AP1S3: variants seen among roughly 807,000 people sequenced by gnomAD.
AP1S3 encodes the protein adaptor related protein complex 1 subunit sigma 3.
In AP1S3, 10 loss-of-function variants were observed where a neutral mutation model predicts 20.9. That is an observed-to-expected ratio of 0.48 (90% CI 0.29 to 0.81). AP1S3 has a LOEUF of 0.81. AP1S3 is among the 30% of genes least tolerant of loss of function. AP1S3 has a pLI of 0.08. For missense variants in AP1S3, 154 were observed against 183.8 expected (o/e 0.84, Z 0.94); for synonymous variants, 41 against 61.5 (o/e 0.67, Z 1.56).
chr2:223,786,915 A>C (rs149654406), intron 1 of AP1S3, among the ~76,000 whole-genome samples: 30 of 152,162 alleles, frequency 2.0e-4, no homozygotes, highest in Admixed American at 3.3e-4. Context: ...AAAAAAACAA[A>C]AAAAAAAGAA....
At chr2:223,810,627 A>G (rs1369007423) in intron 1 of AP1S3, among the ~76,000 whole-genome samples, 1 of 152,104 alleles carries the variant, frequency 6.6e-6, no homozygotes. Flanking sequence ...TAATTTTCTA[A>G]ATATATTACT....
At chr2:223,827,421 C>T (rs1238064753) in intron 1 of AP1S3, among the ~76,000 whole-genome samples, 1 of 152,122 alleles carries the variant, frequency 6.6e-6, no homozygotes, top group African/African-American at 2.4e-5. Context: ...CTCACTTTGT[C>T]GCCCAGGTTG....
chr2:223,811,797 A>G (rs1342060064), intron 1 of AP1S3, among the ~76,000 whole-genome samples: 1 of 152,166 alleles, frequency 6.6e-6, no homozygotes, highest in African/African-American at 2.4e-5. Context: ...TAGGTATCCT[A>G]TAATTGTCTT....
chr2:223,791,077 C>T (rs1691206677), intron 1 of AP1S3, among the ~76,000 whole-genome samples: 1 of 152,158 alleles, frequency 6.6e-6, no homozygotes, highest in Admixed American at 6.6e-5. Flanking sequence ...GATGGATTCA[C>T]AGCTGAATTC....
intron 3 of AP1S3, among the ~76,000 whole-genome samples, chr2:223,771,093 G>A (rs997351394): frequency 1.3e-5 from 2 of 151,818 alleles, no homozygotes; most frequent in South Asian, 2.1e-4. Context: ...CCAGCACTTT[G>A]GGGGGGCTGA....
intron 1 of AP1S3, among the ~76,000 whole-genome samples, chr2:223,815,893 T>C (rs1276799689): frequency 6.6e-6 from 1 of 152,220 alleles, no homozygotes; most frequent in Non-Finnish European, 1.5e-5. Context: ...GAAGACAGCT[T>C]GAGCCCAGGA....
At chr2:223,764,606 C>T (rs1400324250) in intron 4 of AP1S3, among the ~76,000 whole-genome samples, 2 of 152,054 alleles carry the variant, frequency 1.3e-5, no homozygotes, top group Admixed American at 6.6e-5. Flanking sequence ...TTCCCAATTT[C>T]TTTATGCAAG....
At chr2:223,769,618 T>C (rs1378514037) in intron 3 of AP1S3, among the ~76,000 whole-genome samples, 3 of 152,018 alleles carry the variant, frequency 2.0e-5, no homozygotes. Flanking sequence ...GTTTCAGCTA[T>C]GTAGAAGCTG....
chr2:223,814,308 C>G (rs1691796730), intron 1 of AP1S3, among the ~76,000 whole-genome samples: 1 of 152,134 alleles, frequency 6.6e-6, no homozygotes, highest in Admixed American at 6.6e-5. Context: ...TCTTTGTTTT[C>G]TGTGTTAACA....
intron 1 of AP1S3, among the ~76,000 whole-genome samples, chr2:223,788,549 C>T (rs572639989): frequency 2.0e-4 from 29 of 146,478 alleles, no homozygotes; most frequent in African/African-American, 4.8e-4. Context: ...TTCAGGAGAT[C>T]GAGACCATCC....
intron 1 of AP1S3, among the ~76,000 whole-genome samples, chr2:223,822,111 C>T (rs1396424631): frequency 1.3e-5 from 2 of 152,132 alleles, no homozygotes; most frequent in Admixed American, 6.6e-5. Context: ...AACTCCTGGC[C>T]AGGCACAGTG....
chr2:223,794,027 C>G (rs1013286756), intron 1 of AP1S3, among the ~76,000 whole-genome samples: 1 of 152,148 alleles, frequency 6.6e-6, no homozygotes, highest in African/African-American at 2.4e-5. Flanking sequence ...TACATATGCT[C>G]CTCAGCTATC....
chr2:223,796,568 C>T (rs1205915879), intron 1 of AP1S3, among the ~76,000 whole-genome samples: 1 of 152,088 alleles, frequency 6.6e-6, no homozygotes, highest in Admixed American at 6.6e-5. Context: ...GACCACTGAC[C>T]AATGGTCTTC....
chr2:223,818,705 A>T (rs1559144372), intron 1 of AP1S3, among the ~76,000 whole-genome samples: 3 of 152,088 alleles, frequency 2.0e-5, no homozygotes, highest in African/African-American at 2.4e-5. Flanking sequence ...GGCATGCGCC[A>T]CCACACCCAG....
At chr2:223,833,226 T>C (rs1270880493) in intron 1 of AP1S3, among the ~76,000 whole-genome samples, 1 of 139,458 alleles carries the variant, frequency 7.2e-6, no homozygotes, top group Admixed American at 7.4e-5. Flanking sequence ...CCCACAGCTA[T>C]CTTGTTAAAG....
At chr2:223,837,330 G>A (rs990266907) in intron 1 of AP1S3, 118 bp downstream of exon 1, 6 of 447,266 alleles carry the variant, frequency 1.3e-5, no homozygotes, top group Admixed American at 9.5e-5. Flanking sequence ...CGGGTGGCCA[G>A]GCGGGACTCG....
In AP1S3 at chr2:223,756,304, T is replaced by C. The variant is rs1690214589; in HGVS notation, c.*2411A>G. 6.8e-6 allele frequency among the ~76,000 whole-genome samples: 1 copy of C among 147,758 alleles called. No homozygotes were observed. Among genetic ancestry groups the C allele is most frequent in the South Asian group, 2.1e-4 (1 of 4,710 alleles). On this transcript the variant is annotated 3_prime_UTR_variant, in exon 5 of 5. Coordinates refer to ENST00000396654, the MANE Select transcript of AP1S3 (RefSeq NM_001039569.2). ...GTGACCTGAGATCACACCATTGCAC[T>C]CTGGCCTGGGTGACAAGAAGCGAGG...
At chr2:223,764,321 G>C (rs1278777654) in intron 4 of AP1S3, among the ~76,000 whole-genome samples, 1 of 152,156 alleles carries the variant, frequency 6.6e-6, no homozygotes, top group Non-Finnish European at 1.5e-5. Context: ...GTGGGAAGAA[G>C]AATCTAGGGG....
intron 4 of AP1S3, among the ~76,000 whole-genome samples, chr2:223,758,991 A>G (rs1245726381): frequency 6.6e-6 from 1 of 152,206 alleles, no homozygotes; most frequent in Admixed American, 6.5e-5. Context: ...TCATAAAGTG[A>G]ATGTCTGATA....
Sources: gnomAD v4.1 joint callset for allele counts (sites outside exome capture counted in the v4.1 genomes callset) on GRCh38, gnomAD v4.1.1 for gene constraint, MANE v1.5 for transcripts, NCBI Gene and HGNC (gene_info 2026-07-23, HGNC 2026-07-21) for gene names.